GDF5: variants seen among roughly 807,000 people sequenced by gnomAD.
The protein encoded by GDF5 is growth differentiation factor 5.
Under a neutral mutation model 34.6 loss-of-function variants are expected in GDF5, and 17 were observed. The observed-to-expected ratio is 0.49, with a 90% CI of 0.34 to 0.74. The LOEUF is 0.74. GDF5 is among the 30% of genes least tolerant of loss of function. GDF5 has a pLI of 0.01. For missense variants in GDF5, 616 were observed against 661.2 expected (o/e 0.93, Z 0.75); for synonymous variants, 332 against 290.7 (o/e 1.14, Z -1.44).
intron 1 of GDF5, among the ~76,000 whole-genome samples, chr20:35,446,438 C>CTTT (rs11477146): frequency 2.9e-5 from 4 of 136,014 alleles, no homozygotes; most frequent in African/African-American, 5.4e-5. Flanking sequence ...TTATTTATTG[C>CTTT]TTTTTTTTTT....
intron 1 of GDF5, among the ~76,000 whole-genome samples, chr20:35,450,847 A>G (rs1297690975): frequency 6.6e-6 from 1 of 151,674 alleles, no homozygotes; most frequent in African/African-American, 2.4e-5. Flanking sequence ...TCTGCATCTC[A>G]GATTCTCATG....
At chr20:35,441,068 T>C (rs759872672), upstream of GDF5, among the ~76,000 whole-genome samples, 6 of 152,202 alleles carry the variant, frequency 3.9e-5, no homozygotes, top group Non-Finnish European at 8.8e-5. Context: ...AATGAATGAG[T>C]TGAACAACCA....
chr20:35,440,588 C>T (rs574995844), upstream of GDF5, among the ~76,000 whole-genome samples: 1 of 152,284 alleles, frequency 6.6e-6, no homozygotes, highest in Admixed American at 6.5e-5. Flanking sequence ...TTGCATCCTC[C>T]AGAAAATGCA....
upstream of GDF5, among the ~76,000 whole-genome samples, chr20:35,438,689 G>T (rs1254438229): frequency 6.6e-6 from 1 of 152,158 alleles, no homozygotes; most frequent in African/African-American, 2.4e-5. Context: ...ACTTTCCCGA[G>T]GAGAGATGCT....
intron 1 of GDF5, 191 bp from the exon 2 acceptor site, chr20:35,434,974 G>A (rs6060417): frequency 1.6e-5 from 11 of 701,722 alleles, no homozygotes; most frequent in African/African-American, 1.2e-4. Flanking sequence ...CTACATAGCC[G>A]ACCAAGTAGG....
Position 35,434,382 on chromosome 20 carries a change from A to T in GDF5, c.1033T>A (p.Phe345Ile), listed in dbSNP as rs1341780650. 1 of 1,613,702 alleles carries T rather than the reference A, an allele frequency of 6.2e-7. No homozygotes were observed. Among genetic ancestry groups the T allele is most frequent in the South Asian group, 1.1e-5 (1 of 91,084 alleles). Residue 345 changes from phenylalanine (F) to isoleucine (I), a missense_variant, in exon 2 of 2, where the codon TTT becomes ATT. Coordinates refer to ENST00000374369, the MANE Select transcript of GDF5 (RefSeq NM_000557.5). ...QVHEKALFLV[F>I]GRTKKRDLFF... ...AGGTCCCGTTTCTTGGTGCGGCCAA[A>T]CACCAGGAACAGGGCTTTCTCGTGG... is the stretch of plus-strand genomic sequence containing the variant.
upstream of GDF5, among the ~76,000 whole-genome samples, chr20:35,439,080 G>A (rs762376651): frequency 1.1e-4 from 16 of 151,726 alleles, no homozygotes; most frequent in Non-Finnish European, 1.6e-4. Flanking sequence ...GGGCACTGTC[G>A]CCCTTAAGTT....
At chr20:35,439,409 A>T (rs1016074037), upstream of GDF5, among the ~76,000 whole-genome samples, 7 of 151,902 alleles carry the variant, frequency 4.6e-5, no homozygotes, top group Admixed American at 6.6e-5. Flanking sequence ...TTACGTTTGT[A>T]GTAGAGATGG....
At chr20:35,444,023 G>C (rs2062506481) in intron 1 of GDF5, among the ~76,000 whole-genome samples, 1 of 152,172 alleles carries the variant, frequency 6.6e-6, no homozygotes, top group Admixed American at 6.5e-5. Flanking sequence ...AGACAATGCA[G>C]TGTTCCAGTT....
intron 1 of GDF5, among the ~76,000 whole-genome samples, 180 bp downstream of exon 1, chr20:35,437,118 G>C (rs1243390220): frequency 4.6e-5 from 7 of 152,172 alleles, no homozygotes; most frequent in African/African-American, 1.2e-4. Context: ...CTCCAGCCCT[G>C]ATGTGTGGGC....
chr20:35,439,202 A>G (rs1421104405), upstream of GDF5, among the ~76,000 whole-genome samples: 1 of 150,176 alleles, frequency 6.7e-6, no homozygotes, highest in Non-Finnish European at 1.5e-5. Flanking sequence ...AGCGGCCCCT[A>G]CAGGAGGCTG....
rs562210817 is a variant in GDF5 at position 35,437,179 on chromosome 20, A to C, written c.631+119T>G. The stretch of plus-strand genomic sequence containing the variant: ...TATGTGTCAGTGTCCCCAGACACCC[A>C]CCCCGGGCCAGATGCACACAGTGTC... On this transcript the variant is annotated intron_variant, in intron 1 of 1. Transcript: ENST00000374369. The C allele has an allele frequency of 3.2e-5, 24 of 752,266 alleles. No homozygotes were observed. In the Admixed American group the frequency reaches 4.1e-4, roughly 13 times the overall value. 46.6% of individuals were successfully genotyped at this position (752,266 alleles called of 1,614,324 possible).
rs755912564 is a variant in GDF5, at chr20:35,437,634, G to C, written c.295C>G (p.Pro99Ala). 6.2e-7 allele frequency: 1 copy of C among 1,614,164 alleles called. No homozygotes were observed. Among genetic ancestry groups the C allele is most frequent in the Non-Finnish European group, 8.5e-7 (1 of 1,180,028 alleles). ...PKKDEPKKLP[P>A]RPGGPEPKPG... ...TTGGGTTCAGGGCCGCCCGGTCTGG[G>C]GGGCAGCTTTTTGGGTTCATCCTTC... The change falls in exon 1 of 2, where the codon CCC (proline) becomes GCC (alanine). Residue 99 changes from proline to alanine, a missense_variant. Transcript: ENST00000374369.
At chr20:35,440,305 C>T (rs531125139), upstream of GDF5, among the ~76,000 whole-genome samples, 12 of 151,648 alleles carry the variant, frequency 7.9e-5, no homozygotes, top group African/African-American at 2.9e-4. Flanking sequence ...GAGTCCATCA[C>T]ACACACACAA....
rs1484939915 is a variant in GDF5 at position 35,434,196 on chromosome 20, C to T, written c.1219G>A (p.Val407Ile). 1.2e-6 allele frequency: 2 copies of T among 1,614,112 alleles called. No individual in the cohort carries two copies. The highest frequency in any genetic ancestry group is 2.2e-5 in the East Asian group (1 of 44,898). The change falls in exon 2 of 2, where the codon GTC (valine) becomes ATC (isoleucine). Residue 407 changes from valine (V) to isoleucine (I), a missense_variant. Val to Ile is a conservative substitution (Grantham distance 29, BLOSUM62 3). Transcript: ENST00000374369. ...TCCCAGCCCATGTCCTTGAAGTTGA[C>T]ATGCAGTGCCTTCCGACTGCAGCGA... is the stretch of plus-strand genomic sequence containing the variant. ...KARCSRKALH[V>I]NFKDMGWDDW... is the part of the protein sequence containing the mutation.
In GDF5 at chr20:35,434,697, G is replaced by A; in HGVS notation, c.718C>T (p.Arg240Trp). The A allele has an allele frequency of 1.9e-6, 3 of 1,612,604 alleles. No individual in the cohort carries two copies. The highest frequency in any genetic ancestry group is 2.5e-6 in the Non-Finnish European group (3 of 1,179,782). The change falls in exon 2 of 2, where the codon CGG (arginine) becomes TGG (tryptophan). Residue 240 changes from arginine to tryptophan, a missense_variant. Physicochemically the swap from Arg to Trp is moderately radical, Grantham distance 101. Transcript: ENST00000374369. Reference protein sequence around the residue: ...EKDGLLGAELRILRKKPSDTA... With the variant: ...EKDGLLGAELWILRKKPSDTA... ...TCCGAGGGCTTCTTCCGCAAGATCCGCAGCTCGGCCCCCAGCAGCCCATCC... is the reference window on the plus strand; with the variant it reads ...TCCGAGGGCTTCTTCCGCAAGATCCACAGCTCGGCCCCCAGCAGCCCATCC...
chr20:35,435,971 CGTGT>C (rs1229113434), intron 1 of GDF5, among the ~76,000 whole-genome samples: 1 of 151,856 alleles, frequency 6.6e-6, no homozygotes, highest in African/African-American at 2.4e-5. Flanking sequence ...CATGTGTGTA[CGTGT>C]GTGATTCAGC....
chr20:35,437,435 G>T lies in GDF5; in HGVS notation c.494C>A (p.Pro165His), dbSNP rs538869688. ...CATGTACTCGTGGGGTGTGATGGGG[G>T]GTGGGCGAAACGGCTCCTTGGGCTC... ...PREPKEPFRPPPITPHEYMLS... is the reference protein window; with the variant it reads ...PREPKEPFRPHPITPHEYMLS... The change falls in exon 1 of 2, where the codon CCC becomes CAC. Residue 165 changes from proline to histidine, a missense_variant. Coordinates refer to ENST00000374369, the MANE Select transcript of GDF5 (RefSeq NM_000557.5). 1 of 1,613,862 alleles carries T rather than the reference G, an allele frequency of 6.2e-7. No individual in the cohort carries two copies. The highest frequency in any genetic ancestry group is 8.5e-7 in the Non-Finnish European group (1 of 1,179,764).
At chr20:35,440,573 C>G (rs935069345), upstream of GDF5, among the ~76,000 whole-genome samples, 3 of 152,090 alleles carry the variant, frequency 2.0e-5, no homozygotes, top group Non-Finnish European at 4.4e-5. Flanking sequence ...CTCCATGAAG[C>G]CTTCTTGCAT....
Sources: allele counts gnomAD v4.1 joint callset (sites outside exome capture counted in the v4.1 genomes callset), GRCh38; gene constraint gnomAD v4.1.1; transcripts MANE v1.5; gene names NCBI Gene and HGNC (gene_info 2026-07-23, HGNC 2026-07-21).